Variants in ETV5 observed in about 807,000 individuals in gnomAD.
ETV5 encodes ETS variant transcription factor 5.
In ETV5, 10 loss-of-function variants were observed where a neutral mutation model predicts 70.0. The observed-to-expected ratio is 0.14, with a 90% CI of 0.09 to 0.24. The LOEUF (loss-of-function observed/expected upper bound fraction) is 0.24. ETV5 is among the 10% of genes least tolerant of loss of function. The pLI is 1.00. For missense variants in ETV5, 453 were observed against 651.2 expected (o/e 0.70, Z 3.31); for synonymous variants, 216 against 242.2 (o/e 0.89, Z 1.01).
chr3:186,069,843 CTT>C, intron 7 of ETV5, among the ~76,000 whole-genome samples: 1 of 152,274 alleles, frequency 6.6e-6, no homozygotes, highest in Middle Eastern at 3.4e-3. Context: ...GCGTCTCGCT[CTT>C]GTCCAGATTG....
intron 7 of ETV5, among the ~76,000 whole-genome samples, chr3:186,066,519 AAG>A (rs1228595383): frequency 6.6e-6 from 1 of 152,182 alleles, no homozygotes; most frequent in Non-Finnish European, 1.5e-5. Context: ...AAAAAGAAAA[AAG>A]AGAGAGAATC....
Position 186,046,467 on chromosome 3 carries a change from AAAG to A in ETV5, c.*2169_*2171del, listed in dbSNP as rs1416782278. On this transcript the variant is annotated 3_prime_UTR_variant, in exon 13 of 13. Coordinates refer to ENST00000306376, the MANE Select transcript of ETV5 (RefSeq NM_004454.3). ...CACTGTAGACTTTCCACACTCTGGA[AAAG>A]AAGCAAACAAACAAACCCCAAAGAA... The A allele has an allele frequency of 4.3e-6, 1 of 231,228 alleles. No homozygotes were observed. The highest frequency in any genetic ancestry group is 8.6e-6 in the Non-Finnish European group (1 of 116,722). The allele number at this position is 231,228 out of a possible 1,614,324, so 14.3% of individuals were successfully genotyped here. A position where few individuals can be genotyped will look rare whatever the true frequency, so the allele number is the denominator to read the frequency against.
At chr3:186,071,908 C>T (rs1029111625) in intron 7 of ETV5, among the ~76,000 whole-genome samples, 6 of 151,724 alleles carry the variant, frequency 4.0e-5, no homozygotes, top group African/African-American at 1.2e-4. Flanking sequence ...AGCAATTCTA[C>T]TGACTCAGCC....
intron 5 of ETV5, among the ~76,000 whole-genome samples, chr3:186,088,416 C>T (rs954784560): frequency 6.6e-6 from 1 of 152,212 alleles, no homozygotes. Context: ...CCAGAGCCAT[C>T]ATCCTGAAAT....
Position 186,052,893 on chromosome 3 carries a change from C to T in ETV5, c.1210-762G>A, listed in dbSNP as rs1349669235. 6.6e-6 allele frequency among the ~76,000 whole-genome samples: 1 copy of T among 152,100 alleles called. No individual in the cohort carries two copies. Among genetic ancestry groups the T allele is most frequent in the African/African-American group, 2.4e-5 (1 of 41,398 alleles). On this transcript the variant is annotated intron_variant, in intron 11 of 12. Transcript: ENST00000306376. This position sits in a 1 kb window ranked among gnomAD's most constrained non-coding sequence, Gnocchi z 4.5. The stretch of plus-strand genomic sequence containing the variant: ...AGTAGAGTTTACCCAATTATCACGG[C>T]AGCCAAGCAATTTCTGTTCTCAAGT...
At chr3:186,086,653 A>G (rs1166090014) in intron 5 of ETV5, among the ~76,000 whole-genome samples, 1 of 152,114 alleles carries the variant, frequency 6.6e-6, no homozygotes, top group East Asian at 1.9e-4. Context: ...TCAATAAAAG[A>G]CATATAAGAT....
chr3:186,104,693 A>G (rs1024191723), intron 5 of ETV5, among the ~76,000 whole-genome samples: 2 of 151,640 alleles, frequency 1.3e-5, no homozygotes, highest in African/African-American at 4.9e-5. Context: ...AACACCAAAT[A>G]TATTTTGTCA....
intron 9 of ETV5, among the ~76,000 whole-genome samples, chr3:186,059,266 C>T (rs534418462): frequency 1.2e-4 from 18 of 152,234 alleles, no homozygotes; most frequent in African/African-American, 3.4e-4. Flanking sequence ...TGTTGCTTAA[C>T]GACATCAAAG....
chr3:186,048,637 A>T lies in ETV5; in HGVS notation c.*2T>A, dbSNP rs752572754. The T allele has an allele frequency of 6.2e-7, 1 of 1,613,970 alleles. No individual in the cohort carries two copies. ...GGTTTGGCCACTCCGCCACTCAGAA[A>T]CTTAGTAAGCAAAGCCTTCGGCATA... On this transcript the variant is annotated 3_prime_UTR_variant, in exon 13 of 13. Transcript: ENST00000306376.
At chr3:186,066,102 A>T in intron 7 of ETV5, 30 bp from the exon 8 acceptor site, 1 of 1,530,770 alleles carries the variant, frequency 6.5e-7, no homozygotes, top group Non-Finnish European at 8.8e-7. Flanking sequence ...TTCATGTTGA[A>T]CAAAGACTTG....
chr3:186,097,105 A>G (rs113642490), intron 5 of ETV5, among the ~76,000 whole-genome samples: 2,596 of 152,194 alleles, frequency 0.017, 78 homozygotes, highest in African/African-American at 0.06. Context: ...TGATGAGGCT[A>G]CTTTGGTTTG....
At chr3:186,087,271 TTTA>T (rs1306522058) in intron 5 of ETV5, among the ~76,000 whole-genome samples, 7 of 152,140 alleles carry the variant, frequency 4.6e-5, no homozygotes, top group Non-Finnish European at 7.3e-5. Flanking sequence ...TGTAAGTCCA[TTTA>T]TATAAAGTTC....
At chr3:186,055,136 G>A (rs1261624063) in intron 11 of ETV5, among the ~76,000 whole-genome samples, 5 of 152,202 alleles carry the variant, frequency 3.3e-5, no homozygotes. Context: ...GAGTGCAGAA[G>A]ATTCAATAAC....
chr3:186,106,873 C>CTA (rs1185195930), intron 1 of ETV5: 1 of 879,208 alleles, frequency 1.1e-6, no homozygotes, highest in Non-Finnish European at 1.4e-6. Flanking sequence ...TACCATCTTC[C>CTA]TAAACACTTT....
At chr3:186,070,886 C>T (rs1022087676) in intron 7 of ETV5, among the ~76,000 whole-genome samples, 4 of 152,230 alleles carry the variant, frequency 2.6e-5, no homozygotes, top group Non-Finnish European at 5.9e-5. Context: ...CCTTAACCTC[C>T]TCCCTTCCAT....
At chr3:186,064,189 T>G in intron 9 of ETV5, 1 of 576,182 alleles carries the variant, frequency 1.7e-6, no homozygotes, top group Non-Finnish European at 3.1e-6. Flanking sequence ...AAACCCTGCG[T>G]GCAAAATAAT....
At chr3:186,089,571 A>G (rs1180312469) in intron 5 of ETV5, among the ~76,000 whole-genome samples, 1 of 152,220 alleles carries the variant, frequency 6.6e-6, no homozygotes, top group Non-Finnish European at 1.5e-5. Flanking sequence ...GTCAACACAA[A>G]TACATAAATG....
intron 7 of ETV5, among the ~76,000 whole-genome samples, chr3:186,072,984 T>A (rs536825450): frequency 1.2e-3 from 176 of 152,144 alleles, no homozygotes; most frequent in African/African-American, 4.1e-3. Flanking sequence ...ATACAAAAAT[T>A]AGCCGGGTGT....
intron 8 of ETV5, 79 bp downstream of exon 8, chr3:186,065,734 C>A: frequency 6.4e-7 from 1 of 1,555,046 alleles, no homozygotes; most frequent in Admixed American, 1.8e-5. Context: ...GTCCCCAAGG[C>A]CCTGCATGTA....
Sources: gnomAD v4.1 joint callset for allele counts (sites outside exome capture counted in the v4.1 genomes callset) on GRCh38, gnomAD v4.1.1 for gene constraint, Gnocchi (gnomAD v3.1) non-coding constraint, MANE v1.5 for transcripts, NCBI Gene and HGNC (gene_info 2026-07-23, HGNC 2026-07-21) for gene names.